Variants in AP4S1 observed in about 807,000 individuals in gnomAD.
AP4S1 encodes AP-4 complex subunit sigma-1.
Under a neutral mutation model 19.8 loss-of-function variants are expected in AP4S1, and 23 were observed. That is an observed-to-expected ratio of 1.16 (90% CI 0.84 to 1.65). AP4S1 has a LOEUF of 1.65. Ranked by LOEUF, AP4S1 falls within the 40% of genes most tolerant of loss-of-function variation. AP4S1 has a pLI of 0.00. For missense variants in AP4S1, 166 were observed against 172.8 expected (o/e 0.96, Z 0.22); for synonymous variants, 46 against 54.1 (o/e 0.85, Z 0.66).
chr14:31,089,639 G>C (rs1888022917), intron 5 of AP4S1, among the ~76,000 whole-genome samples: 1 of 152,152 alleles, frequency 6.6e-6, no homozygotes, highest in Non-Finnish European at 1.5e-5. Context: ...TTGGGGCCAG[G>C]CGTGGTGGCT....
At chr14:31,069,095 C>G (rs2139581021) in intron 2 of AP4S1, among the ~76,000 whole-genome samples, 1 of 152,256 alleles carries the variant, frequency 6.6e-6, no homozygotes, top group Admixed American at 6.5e-5. Flanking sequence ...ACATCCAGCA[C>G]ACCCTAAAAT....
intron 3 of AP4S1, among the ~76,000 whole-genome samples, chr14:31,072,693 G>A (rs1211720964): frequency 6.6e-6 from 1 of 152,168 alleles, no homozygotes; most frequent in Non-Finnish European, 1.5e-5. Context: ...AGAAGTTAAG[G>A]TTTATCTACA....
At chr14:31,049,428 A>AAAATAT (rs1384450221) in intron 1 of AP4S1, among the ~76,000 whole-genome samples, 43 of 57,732 alleles carry the variant, frequency 7.4e-4, no homozygotes, top group African/African-American at 2.3e-3. Context: ...AAAAAAAAAA[A>AAAATAT]ATATATATAT....
At chr14:31,032,191 G>A (rs953478052) in intron 1 of AP4S1, among the ~76,000 whole-genome samples, 1 of 152,102 alleles carries the variant, frequency 6.6e-6, no homozygotes, top group Non-Finnish European at 1.5e-5. Flanking sequence ...AGACCAGCCT[G>A]GCCAACATGG....
chr14:31,048,726 G>A (rs891129693), intron 1 of AP4S1, among the ~76,000 whole-genome samples: 81 of 151,828 alleles, frequency 5.3e-4, no homozygotes, highest in Admixed American at 5.3e-3. Context: ...GTGACAGTGA[G>A]ACTCTGTCTC....
chr14:31,032,577 G>A (rs1167689507), intron 1 of AP4S1, among the ~76,000 whole-genome samples: 1 of 149,366 alleles, frequency 6.7e-6, no homozygotes, highest in African/African-American at 2.5e-5. Context: ...AAGCTGAGGT[G>A]CAGTGGTGCG....
At position 31,072,061 on chromosome 14, in the gene AP4S1, C is replaced by T. The variant is rs185492622; in HGVS notation, c.226-844C>T. Among the ~76,000 whole-genome samples, 942 of 151,866 alleles carry T rather than the reference C, an allele frequency of 6.2e-3. 10 individuals carry two copies. Among genetic ancestry groups the T allele is most frequent in the African/African-American group, 0.022 (892 of 41,450 alleles). On this transcript the variant is annotated intron_variant, in intron 3 of 5. Coordinates refer to ENST00000542754, the MANE Select transcript of AP4S1 (RefSeq NM_001128126.3). ...GTTCAAGCAATTCTCCTGCCTCAGC[C>T]TCCCACGTAGCTGGGATTACAAGCA...
chr14:31,082,245 T>C (rs1402968644), intron 5 of AP4S1, among the ~76,000 whole-genome samples: 3 of 152,060 alleles, frequency 2.0e-5, no homozygotes, highest in Admixed American at 6.6e-5. Flanking sequence ...ATAGATCCCT[T>C]TGTAGGTTTT....
At position 31,093,016 on chromosome 14, in the gene AP4S1, A is replaced by G. The variant is rs948007654; in HGVS notation, c.416A>G (p.Asp139Gly). ...ARILAPLLIL[D>G]KMSES ...ATTCTTGCCCCTCTACTAATTCTTG[A>G]TAAGATGTCAGAAAGCTGAAAGGAA... The change falls in exon 6 of 6, where the codon GAT becomes GGT. Residue 139 changes from aspartate (D) to glycine (G), a missense_variant. Coordinates refer to ENST00000542754, the MANE Select transcript of AP4S1 (RefSeq NM_001128126.3). 6 of 1,548,302 alleles carry G rather than the reference A, an allele frequency of 3.9e-6. No individual in the cohort carries two copies. The highest frequency in any genetic ancestry group is 1.4e-5 in the African/African-American group (1 of 72,940).
At chr14:31,036,483 A>C (rs916543504) in intron 1 of AP4S1, among the ~76,000 whole-genome samples, 2 of 152,232 alleles carry the variant, frequency 1.3e-5, no homozygotes, top group Non-Finnish European at 2.9e-5. Context: ...CTGGCACATA[A>C]TGTCTAGCTA....
intron 2 of AP4S1, among the ~76,000 whole-genome samples, chr14:31,066,777 T>A (rs1886740458): frequency 6.6e-6 from 1 of 152,198 alleles, no homozygotes; most frequent in Non-Finnish European, 1.5e-5. Flanking sequence ...GATAATAATA[T>A]TATTCTCAAA....
At position 31,096,415 on chromosome 14, in the gene AP4S1, T is replaced by G. The variant is rs1888204596; in HGVS notation, c.*3380T>G. 6.6e-6 allele frequency: 1 copy of G among 152,138 alleles called. No homozygotes were observed. Among genetic ancestry groups the G allele is most frequent in the Non-Finnish European group, 1.5e-5 (1 of 68,032 alleles). 9.4% of individuals were successfully genotyped at this position (152,138 alleles called of 1,614,324 possible). On this transcript the variant is annotated 3_prime_UTR_variant, in exon 6 of 6. Coordinates refer to ENST00000542754, the MANE Select transcript of AP4S1 (RefSeq NM_001128126.3). ...AGGTCCCAAAATATTAAACAGAAAATTCCAGAAATAAACAATGTATAAGTT... is the reference window on the plus strand; with the variant it reads ...AGGTCCCAAAATATTAAACAGAAAAGTCCAGAAATAAACAATGTATAAGTT...
intron 1 of AP4S1, among the ~76,000 whole-genome samples, chr14:31,035,930 C>G (rs1884736363): frequency 6.6e-6 from 1 of 151,914 alleles, no homozygotes. Flanking sequence ...CGGGGTTTCA[C>G]CATGTTAGCC....
At chr14:31,046,345 A>G (rs1254134643) in intron 1 of AP4S1, among the ~76,000 whole-genome samples, 1 of 152,166 alleles carries the variant, frequency 6.6e-6, no homozygotes, top group Non-Finnish European at 1.5e-5. Context: ...CACTGTAGAT[A>G]TGCTTTTTCT....
At chr14:31,060,288 C>T (rs1217822672) in intron 1 of AP4S1, among the ~76,000 whole-genome samples, 1 of 151,896 alleles carries the variant, frequency 6.6e-6, no homozygotes, top group Admixed American at 6.6e-5. Flanking sequence ...AGGTAGGTTC[C>T]ACGGGGCCTA....
chr14:31,075,152 C>T (rs748694078), intron 4 of AP4S1, among the ~76,000 whole-genome samples: 18 of 152,258 alleles, frequency 1.2e-4, no homozygotes, highest in Middle Eastern at 3.4e-3. Context: ...CATATTTGCA[C>T]CCATTAATCT....
intron 3 of AP4S1, among the ~76,000 whole-genome samples, chr14:31,070,762 A>G (rs543200833): frequency 6.6e-6 from 1 of 152,324 alleles, no homozygotes; most frequent in Admixed American, 6.5e-5. Flanking sequence ...GGCATTAAAC[A>G]TGGGCTGAGG....
intron 1 of AP4S1, among the ~76,000 whole-genome samples, chr14:31,062,487 G>T (rs1011254834): frequency 5.9e-5 from 9 of 152,162 alleles, no homozygotes; most frequent in African/African-American, 2.2e-4. Context: ...AAAGTCTGTG[G>T]ATGTCCTGAG....
At position 31,073,469 on chromosome 14, in the gene AP4S1, A is replaced by T. The variant is rs12880057; in HGVS notation, c.294+496A>T. Among the ~76,000 whole-genome samples the T allele has an allele frequency of 7.6e-5, 11 of 144,026 alleles. 1 individual carries two copies. Among genetic ancestry groups the T allele is most frequent in the African/African-American group, 1.8e-4 (7 of 39,510 alleles). The allele number at this position is 144,026 out of a possible 152,430, so 94.5% of individuals were successfully genotyped here. A position where few individuals can be genotyped will look rare whatever the true frequency, so the allele number is the denominator to read the frequency against. ...CCCGCCACTGCACTCCAGCCTGGGC[A>T]ACAGAGCGAGACTCCGTCTCAGAAA... On this transcript the variant is annotated intron_variant, in intron 4 of 5. Coordinates refer to ENST00000542754, the MANE Select transcript of AP4S1 (RefSeq NM_001128126.3).
Sources: gnomAD v4.1 joint callset for allele counts (sites outside exome capture counted in the v4.1 genomes callset) on GRCh38, gnomAD v4.1.1 for gene constraint, MANE v1.5 for transcripts, NCBI Gene and HGNC (gene_info 2026-07-23, HGNC 2026-07-21) for gene names.